MAN2A1: variants seen among roughly 807,000 people sequenced by gnomAD.
MAN2A1 encodes alpha-mannosidase 2.
Under a neutral mutation model 142.6 loss-of-function variants are expected in MAN2A1, and 76 were observed. The observed-to-expected ratio is 0.53, with a 90% CI of 0.44 to 0.65. The LOEUF (loss-of-function observed/expected upper bound fraction) is 0.65. Ranked by LOEUF, MAN2A1 falls within the 30% of genes least tolerant of loss-of-function variation. The probability of loss-of-function intolerance (pLI) is 0.00; values close to 1 mark genes in which losing one functional copy is unlikely to be tolerated. For synonymous variants in MAN2A1, 559 were observed against 473.2 expected (o/e 1.18, Z -2.35); for missense variants, 1,311 against 1,365.1 (o/e 0.96, Z 0.62).
At chr5:109,819,568 A>G in intron 13 of MAN2A1, 101 bp from the exon 14 acceptor site, 3 of 648,852 alleles carry the variant, frequency 4.6e-6, no homozygotes, top group Non-Finnish European at 7.4e-6. Context: ...TTCTCTTTTT[A>G]AAAAATATGA....
intron 16 of MAN2A1, among the ~76,000 whole-genome samples, chr5:109,833,451 CG>C (rs1400723271): frequency 2.6e-5 from 4 of 152,126 alleles, no homozygotes; most frequent in Admixed American, 2.6e-4. Context: ...GCAGATCACT[CG>C]TGGTTAGGAG....
chr5:109,829,237 A>C (rs1285551451), intron 16 of MAN2A1, among the ~76,000 whole-genome samples: 1 of 152,150 alleles, frequency 6.6e-6, no homozygotes, highest in African/African-American at 2.4e-5. Context: ...TAAGATTAGG[A>C]AACAAAAAGA....
chr5:109,845,081 G>T (rs572490101), intron 17 of MAN2A1, among the ~76,000 whole-genome samples: 2 of 152,114 alleles, frequency 1.3e-5, no homozygotes, highest in Admixed American at 1.3e-4. Context: ...TAACTATTAC[G>T]GTAACTTTGT....
At chr5:109,815,362 G>C (rs996470609) in intron 12 of MAN2A1, among the ~76,000 whole-genome samples, 1 of 152,124 alleles carries the variant, frequency 6.6e-6, no homozygotes, top group Non-Finnish European at 1.5e-5. Context: ...TGCGTAAAAT[G>C]GGATTTTATC....
intron 6 of MAN2A1, 147 bp from the exon 7 acceptor site, chr5:109,770,208 G>C (rs550680181): frequency 5.9e-5 from 38 of 645,480 alleles, no homozygotes; most frequent in African/African-American, 4.7e-4. Context: ...AAATACCGCT[G>C]GGGTATATGT....
rs1755577327 is a variant in MAN2A1, at chr5:109,855,229, T to A, written c.3066T>A (p.Asn1022Lys). The change falls in exon 20 of 22, where the codon AAT becomes AAA. Residue 1022 changes from asparagine (N) to lysine (K), a missense_variant. Asn to Lys is a moderately conservative substitution (Grantham distance 94). Transcript: ENST00000261483. Reference protein sequence around the residue: ...LMNHPVIPMANKFSSPTLELQ... With the variant: ...LMNHPVIPMAKKFSSPTLELQ... ...ATCATCCAGTCATTCCAATGGCAAATAAGTTCTCCTCACCTACCCTTGAGC... is the reference window on the plus strand; with the variant it reads ...ATCATCCAGTCATTCCAATGGCAAAAAAGTTCTCCTCACCTACCCTTGAGC... 6.2e-7 allele frequency: 1 copy of A among 1,602,096 alleles called. No individual in the cohort carries two copies. Among genetic ancestry groups the A allele is most frequent in the Non-Finnish European group, 8.5e-7 (1 of 1,175,886 alleles).
rs562858431 is a variant in MAN2A1 at position 109,695,232 on chromosome 5, A to T, written c.135+4680A>T. On this transcript the variant is annotated intron_variant, in intron 1 of 21. Transcript: ENST00000261483. ...TTATGTTTTGTTTTTTGTTTTTTTT[A>T]AATTGAATTGGGTGTGTTGTTCCCA... Among the ~76,000 whole-genome samples, 11 of 152,044 alleles carry T rather than the reference A, an allele frequency of 7.2e-5. No homozygotes were observed. In the South Asian group the frequency reaches 1.2e-3, roughly 17 times the overall value.
chr5:109,701,762 T>C (rs1750990630), intron 1 of MAN2A1, among the ~76,000 whole-genome samples: 1 of 152,084 alleles, frequency 6.6e-6, no homozygotes, highest in African/African-American at 2.4e-5. Flanking sequence ...ACCAAAGCTT[T>C]TTAACAGGTT....
chr5:109,774,149 C>A (rs546347926), intron 7 of MAN2A1, among the ~76,000 whole-genome samples: 1 of 152,246 alleles, frequency 6.6e-6, no homozygotes, highest in South Asian at 2.1e-4. Context: ...TAATCCTTAT[C>A]TGATGGTCAG....
intron 15 of MAN2A1, among the ~76,000 whole-genome samples, chr5:109,821,272 T>C (rs1187005003): frequency 6.6e-6 from 1 of 152,218 alleles, no homozygotes; most frequent in African/African-American, 2.4e-5. Context: ...AATCTGATGG[T>C]ATGTTTTTTA....
rs1037398599 is a variant in MAN2A1, at chr5:109,839,744, G to A, written c.2567-2584G>A. Among the ~76,000 whole-genome samples the A allele has an allele frequency of 4.7e-5, 7 of 150,150 alleles. No individual in the cohort carries two copies. In the East Asian group the frequency reaches 1.4e-3, roughly 29 times the overall value. Reference sequence around the variant, plus strand: ...TTTATGAATGTAGGAAGAAACTGAAGTTAGCTCCATTCAAGTTGGAAGAGC... The same window carrying A: ...TTTATGAATGTAGGAAGAAACTGAAATTAGCTCCATTCAAGTTGGAAGAGC... On this transcript the variant is annotated intron_variant, in intron 16 of 21. Coordinates refer to ENST00000261483, the MANE Select transcript of MAN2A1 (RefSeq NM_002372.4).
intron 19 of MAN2A1, among the ~76,000 whole-genome samples, chr5:109,851,327 G>T (rs985930144): frequency 6.6e-6 from 1 of 152,216 alleles, no homozygotes; most frequent in African/African-American, 2.4e-5. Context: ...GGCATTGCCA[G>T]GGTTTGAATG....
Position 109,842,444 on chromosome 5 carries a change from G to T in MAN2A1, c.2683G>T (p.Asp895Tyr). 1 of 1,560,326 alleles carries T rather than the reference G, an allele frequency of 6.4e-7. No homozygotes were observed. Among genetic ancestry groups the T allele is most frequent in the South Asian group, 1.2e-5 (1 of 86,168 alleles). Residue 895 changes from aspartate (D) to tyrosine (Y), a missense_variant, in exon 17 of 22, where the codon GAC (aspartate) becomes TAC (tyrosine). By Grantham distance (160) the Asp-to-Tyr change is radical (BLOSUM62 -3). This residue lies in a region of MAN2A1 where 890 missense variants were observed against 920.5 expected (regional missense o/e 0.97). Coordinates refer to ENST00000261483, the MANE Select transcript of MAN2A1 (RefSeq NM_002372.4). ...AAAAAGCCAAAATAGATTTTATACT[G>T]ACCTAAATGGGTACCAGGTAATTTT... ...DIKSQNRFYTDLNGYQIQPRM... is the reference protein window; with the variant it reads ...DIKSQNRFYTYLNGYQIQPRM...
Position 109,788,961 on chromosome 5 carries a change from G to C in MAN2A1, c.1788G>C (p.Glu596Asp). 1 of 1,595,154 alleles carries C rather than the reference G, an allele frequency of 6.3e-7. No individual in the cohort carries two copies. The change falls in exon 11 of 22, where the codon GAG (glutamate) becomes GAC (aspartate). Residue 596 changes from glutamate to aspartate, a missense_variant. This residue lies in a region of MAN2A1 where 890 missense variants were observed against 920.5 expected (regional missense o/e 0.97). Coordinates refer to ENST00000261483, the MANE Select transcript of MAN2A1 (RefSeq NM_002372.4). Reference sequence around the variant, plus strand: ...TTTTTCATTCGTTAATGGTTTTGGAGAAGATAATTGGAAATTCTGCATTTC... The same window carrying C: ...TTTTTCATTCGTTAATGGTTTTGGACAAGATAATTGGAAATTCTGCATTTC... The part of the protein sequence containing the change: ...TRLFHSLMVL[E>D]KIIGNSAFLL...
At chr5:109,844,095 T>C (rs1487181150) in intron 17 of MAN2A1, among the ~76,000 whole-genome samples, 1 of 152,224 alleles carries the variant, frequency 6.6e-6, no homozygotes, top group Non-Finnish European at 1.5e-5. Flanking sequence ...TCATGGTGAT[T>C]CATTTTTTTA....
chr5:109,859,969 C>T (rs944913385), intron 20 of MAN2A1, among the ~76,000 whole-genome samples: 7 of 144,248 alleles, frequency 4.9e-5, no homozygotes, highest in Non-Finnish European at 3.0e-5. Flanking sequence ...TTAACTCTTT[C>T]TCTATGTAAT....
At position 109,770,574 on chromosome 5, in the gene MAN2A1, T is replaced by C. The variant is rs1216765977; in HGVS notation, c.1196+33T>C. 5 of 1,588,694 alleles carry C rather than the reference T, an allele frequency of 3.1e-6. No homozygotes were observed. In the East Asian group the frequency reaches 9.0e-5, roughly 29 times the overall value. ...AATGCGTATTTCATAAGACAACATC[T>C]TGAATAAAGTAGCCACTTAGCTGCT... On this transcript the variant is annotated intron_variant, in intron 7 of 21. Coordinates refer to ENST00000261483, the MANE Select transcript of MAN2A1 (RefSeq NM_002372.4).
chr5:109,815,534 A>C (rs1754431998), intron 12 of MAN2A1, among the ~76,000 whole-genome samples: 1 of 152,238 alleles, frequency 6.6e-6, no homozygotes, highest in South Asian at 2.1e-4. Context: ...AATTAGAGAC[A>C]TTCTTAATGT....
At chr5:109,851,738 C>T (rs1365850782) in intron 19 of MAN2A1, among the ~76,000 whole-genome samples, 1 of 152,090 alleles carries the variant, frequency 6.6e-6, no homozygotes. Context: ...TATCCTTACC[C>T]CTTTCCTGCT....
Sources: gnomAD v4.1 joint callset for allele counts (sites outside exome capture counted in the v4.1 genomes callset) on GRCh38, gnomAD v4.1.1 for gene constraint, gnomAD v4.1.1 regional missense constraint, MANE v1.5 for transcripts, NCBI Gene and HGNC (gene_info 2026-07-23, HGNC 2026-07-21) for gene names.